The following SH2D4A variants were observed in gnomAD, a reference collection of about 807,000 sequenced individuals.
SH2D4A encodes SH2 domain containing 4A.
SH2D4A carries 70 observed loss-of-function variants against 64.7 expected under a neutral mutation model. The ratio of observed to expected loss-of-function variants is 1.08; its 90% CI spans 0.89 to 1.32. SH2D4A has a LOEUF of 1.32. Among genes scored for constraint, SH2D4A ranks in the 40% most tolerant of loss-of-function variants. The probability of loss-of-function intolerance (pLI) is 0.00; values close to 1 mark genes in which losing one functional copy is unlikely to be tolerated. For synonymous variants in SH2D4A, 268 were observed against 200.7 expected (o/e 1.34, Z -2.83); for missense variants, 706 against 540.1 (o/e 1.31, Z -3.04).
At chr8:19,362,131 G>C (rs2052901150) in intron 6 of SH2D4A, among the ~76,000 whole-genome samples, 1 of 152,194 alleles carries the variant, frequency 6.6e-6, no homozygotes, top group Non-Finnish European at 1.5e-5. Context: ...ATATTTGCAG[G>C]ATGTTGAGAT....
At chr8:19,353,939 T>C (rs1300490174) in intron 4 of SH2D4A, among the ~76,000 whole-genome samples, 1 of 151,996 alleles carries the variant, frequency 6.6e-6, no homozygotes, top group Non-Finnish European at 1.5e-5. Context: ...TTAGACACAT[T>C]GAATAGAAGT....
At chr8:19,364,390 A>C (rs1167086026) in intron 7 of SH2D4A, 108 bp downstream of exon 7, 2 of 1,230,800 alleles carry the variant, frequency 1.6e-6, no homozygotes. Flanking sequence ...TGGAGGGCCA[A>C]CTGGCAGCCT....
chr8:19,326,553 T>C (rs1052349565), intron 2 of SH2D4A, among the ~76,000 whole-genome samples: 1 of 152,164 alleles, frequency 6.6e-6, no homozygotes, highest in Non-Finnish European at 1.5e-5. Context: ...TTGACTCTCT[T>C]TTGCAGCTGT....
At chr8:19,348,980 A>G (rs537718810) in intron 4 of SH2D4A, among the ~76,000 whole-genome samples, 2 of 152,312 alleles carry the variant, frequency 1.3e-5, no homozygotes, top group African/African-American at 2.4e-5. Flanking sequence ...AAGGACTACC[A>G]TGGTAAATAG....
At chr8:19,379,250 A>T (rs999178952) in intron 8 of SH2D4A, among the ~76,000 whole-genome samples, 1 of 152,156 alleles carries the variant, frequency 6.6e-6, no homozygotes, top group Non-Finnish European at 1.5e-5. Flanking sequence ...AATACCTCAT[A>T]TAAGTAGAAC....
intron 8 of SH2D4A, 46 bp downstream of exon 8, chr8:19,373,706 G>T (rs1443712810): frequency 1.3e-6 from 2 of 1,571,818 alleles, no homozygotes; most frequent in Non-Finnish European, 1.7e-6. Flanking sequence ...TAGGGCGGAT[G>T]AAGCTGTGCT....
At chr8:19,351,361 T>A (rs1283692086) in intron 4 of SH2D4A, among the ~76,000 whole-genome samples, 1 of 152,162 alleles carries the variant, frequency 6.6e-6, no homozygotes, top group Non-Finnish European at 1.5e-5. Context: ...CCCAGCACTT[T>A]GGGAGGCCGA....
chr8:19,330,081 T>G (rs991228813), intron 2 of SH2D4A, among the ~76,000 whole-genome samples: 3 of 152,224 alleles, frequency 2.0e-5, no homozygotes, highest in African/African-American at 7.2e-5. Context: ...TTCATCCCTT[T>G]CATTCCTGTA....
intron 4 of SH2D4A, among the ~76,000 whole-genome samples, chr8:19,343,613 T>C (rs1563193213): frequency 6.6e-6 from 1 of 152,218 alleles, no homozygotes; most frequent in African/African-American, 2.4e-5. Context: ...CTAGACATTG[T>C]CCTTCCCCTG....
In SH2D4A at chr8:19,313,832, T is replaced by TG; in HGVS notation, c.-205+14dup. 1 of 1,482,586 alleles carries TG rather than the reference T, an allele frequency of 6.7e-7. No homozygotes were observed. The highest frequency in any genetic ancestry group is 8.9e-7 in the Non-Finnish European group (1 of 1,123,228). The allele number at this position is 1,482,586 out of a possible 1,614,324, so 91.8% of individuals were successfully genotyped here. On this transcript the variant is annotated intron_variant, in intron 1 of 9. Transcript: ENST00000265807. ...AGGGGCGCCCAGCACTGGTAGGTGC[T>TG]GGGGGTGGGGCGAGGCTTTGGGGAG...
chr8:19,389,423 T>G (rs2053447948), intron 8 of SH2D4A, among the ~76,000 whole-genome samples: 1 of 152,192 alleles, frequency 6.6e-6, no homozygotes, highest in Non-Finnish European at 1.5e-5. Context: ...CAGAGTTCAG[T>G]AGCACATGTG....
intron 2 of SH2D4A, among the ~76,000 whole-genome samples, chr8:19,325,699 T>C (rs78543954): frequency 6.6e-6 from 1 of 152,220 alleles, no homozygotes; most frequent in Non-Finnish European, 1.5e-5. Context: ...TAGGCTGTAG[T>C]GCCATGCAGG....
At chr8:19,346,185 C>T (rs965420264) in intron 4 of SH2D4A, among the ~76,000 whole-genome samples, 2 of 152,324 alleles carry the variant, frequency 1.3e-5, no homozygotes, top group East Asian at 3.9e-4. Flanking sequence ...TACAGGCAGC[C>T]CTGATACTTG....
At chr8:19,332,698 A>AG (rs1201264204) in intron 2 of SH2D4A, among the ~76,000 whole-genome samples, 2 of 101,142 alleles carry the variant, frequency 2.0e-5, no homozygotes, top group African/African-American at 8.4e-5. Context: ...TGTCAAAAAA[A>AG]AAAAAAAAAA....
intron 2 of SH2D4A, among the ~76,000 whole-genome samples, chr8:19,331,206 G>A (rs561722305): frequency 6.6e-6 from 1 of 152,158 alleles, no homozygotes; most frequent in African/African-American, 2.4e-5. Flanking sequence ...GTATCCCAAG[G>A]CCACAGTACA....
At chr8:19,355,482 A>G (rs1297756101) in intron 4 of SH2D4A, among the ~76,000 whole-genome samples, 1 of 152,234 alleles carries the variant, frequency 6.6e-6, no homozygotes, top group East Asian at 1.9e-4. Context: ...TATGGTAAAT[A>G]GCAATTGTGA....
chr8:19,388,694 G>T (rs1224810758), intron 8 of SH2D4A, among the ~76,000 whole-genome samples: 1 of 152,198 alleles, frequency 6.6e-6, no homozygotes, highest in Non-Finnish European at 1.5e-5. Flanking sequence ...AAAATGAAAT[G>T]CATCTCTTGT....
chr8:19,314,970 AT>A (rs2117157746), intron 1 of SH2D4A, among the ~76,000 whole-genome samples: 1 of 152,354 alleles, frequency 6.6e-6, no homozygotes, highest in African/African-American at 2.4e-5. Context: ...AAGAATTAGA[AT>A]TCAAACTGTA....
At chr8:19,320,620 T>C (rs2052172416) in intron 2 of SH2D4A, among the ~76,000 whole-genome samples, 1 of 89,704 alleles carries the variant, frequency 1.1e-5, no homozygotes, top group African/African-American at 5.7e-5. Flanking sequence ...TGAGACTGTG[T>C]GTCAAAAAAA....
Sources: allele counts gnomAD v4.1 joint callset (sites outside exome capture counted in the v4.1 genomes callset), GRCh38; gene constraint gnomAD v4.1.1; transcripts MANE v1.5; gene names NCBI Gene and HGNC (gene_info 2026-07-23, HGNC 2026-07-21).